Variants in VWA3A observed in about 807,000 individuals in gnomAD.
VWA3A encodes von Willebrand factor A domain-containing protein 3A.
A neutral mutation model predicts 160.4 loss-of-function variants in VWA3A; 134 were observed. That is an observed-to-expected ratio of 0.84 (90% CI 0.73 to 0.96). VWA3A has a LOEUF of 0.96. VWA3A is among the 40% of genes least tolerant of loss of function. The pLI is 0.00. For synonymous variants in VWA3A, 476 were observed against 543.4 expected, an observed-to-expected ratio of 0.88 and a Z score of 1.72; for missense variants, 1,310 against 1,447.9, an observed-to-expected ratio of 0.90 and a Z score of 1.55.
rs1005256399 is a variant in VWA3A, at chr16:22,131,350, C to G, written c.1727+71C>G. The G allele has an allele frequency of 3.9e-5, 60 of 1,549,754 alleles. No individual in the cohort carries two copies. In the African/African-American group the frequency reaches 6.4e-4, roughly 16 times the overall value. Reference sequence around the variant, plus strand: ...TTTGCAGGCATTGTTTTCTCTGTCCCCCTCTCCACCAAGAAGTAGCTCTCT... The same window carrying G: ...TTTGCAGGCATTGTTTTCTCTGTCCGCCTCTCCACCAAGAAGTAGCTCTCT... On this transcript the variant is annotated intron_variant, in intron 18 of 33. Transcript: ENST00000389398.
chr16:22,118,766 G>A, intron 11 of VWA3A, 136 bp from the exon 12 acceptor site: 2 of 1,138,018 alleles, frequency 1.8e-6, no homozygotes, highest in Admixed American at 4.7e-5. Context: ...TGGCACATGG[G>A]TCCCAGTGTA....
intron 2 of VWA3A, 113 bp downstream of exon 2, chr16:22,097,058 CG>C (rs2045337657): frequency 4.5e-6 from 3 of 663,210 alleles, no homozygotes; most frequent in Non-Finnish European, 7.5e-6. Context: ...CTCTGCCCTC[CG>C]GGTTCATGCC....
At chr16:22,147,485 C>G in intron 27 of VWA3A, 1 of 676,114 alleles carries the variant, frequency 1.5e-6, no homozygotes, top group Non-Finnish European at 2.7e-6. Flanking sequence ...TCTGGGGCAT[C>G]AGGAGGAGGG....
intron 3 of VWA3A, among the ~76,000 whole-genome samples, chr16:22,099,675 C>T (rs1001198861): frequency 2.0e-5 from 3 of 152,202 alleles, no homozygotes; most frequent in Non-Finnish European, 2.9e-5. Context: ...AGGCACAGAA[C>T]TTAAGTCAAG....
At chr16:22,131,318 G>A (rs776284696) in intron 18 of VWA3A, 39 bp downstream of exon 18, 1 of 1,607,104 alleles carries the variant, frequency 6.2e-7, no homozygotes, top group South Asian at 1.1e-5. Context: ...CTGTGTCTGA[G>A]GGAAGGTTTG....
chr16:22,104,141 G>A (rs543957972), intron 6 of VWA3A, among the ~76,000 whole-genome samples: 14 of 152,210 alleles, frequency 9.2e-5, no homozygotes, highest in Non-Finnish European at 1.6e-4. Flanking sequence ...CTTTAGACCC[G>A]CAATGAGATT....
chr16:22,133,230 T>C, intron 20 of VWA3A, 135 bp downstream of exon 20: 1 of 1,032,302 alleles, frequency 9.7e-7, no homozygotes, highest in African/African-American at 1.6e-5. Context: ...AAACTGTTCC[T>C]CTGAAGATAG....
At chr16:22,134,524 T>A in intron 21 of VWA3A, 86 bp downstream of exon 21, 2 of 1,168,706 alleles carry the variant, frequency 1.7e-6, no homozygotes, top group Non-Finnish European at 2.4e-6. Flanking sequence ...CTGGGTGGCT[T>A]AAAATAACAA....
intron 30 of VWA3A, 72 bp from the exon 31 acceptor site, chr16:22,152,439 T>C (rs2046365635): frequency 1.9e-6 from 3 of 1,576,132 alleles, no homozygotes; most frequent in East Asian, 4.5e-5. Flanking sequence ...AAGTTCCCCA[T>C]GGACGTGGGG....
In VWA3A at chr16:22,110,986, C is replaced by T. The variant is rs779305363; in HGVS notation, c.681C>T (p.Ser227=). Residue 227 remains serine (S), a synonymous_variant, in exon 8 of 34, where the codon AGC becomes AGT. Transcript: ENST00000389398. The part of the protein sequence containing the change: ...GSLWPDPMEV[S]ASTLQELKLW... ...TCTGGCCAGACCCCATGGAAGTCAG[C>T]GCCTCCACGTGAGTGGCTTTCCTAC... 67 of 1,604,704 alleles carry T rather than the reference C, an allele frequency of 4.2e-5. No homozygotes were observed. Among genetic ancestry groups the T allele is most frequent in the African/African-American group, 6.7e-5 (5 of 74,758 alleles).
intron 31 of VWA3A, among the ~76,000 whole-genome samples, 152 bp downstream of exon 31, chr16:22,152,786 G>T (rs559734489): frequency 8.9e-4 from 136 of 152,060 alleles, no homozygotes; most frequent in African/African-American, 3.1e-3. Flanking sequence ...GAGCCACCAC[G>T]CCCATCCTGG....
At chr16:22,134,280 C>T (rs890707885) in intron 20 of VWA3A, 88 bp from the exon 21 acceptor site, 1 of 1,111,986 alleles carries the variant, frequency 9.0e-7, no homozygotes, top group South Asian at 1.5e-5. Context: ...AAGTCACCTC[C>T]AGGTGGCTTT....
chr16:22,111,721 G>A (rs970736587), intron 8 of VWA3A, among the ~76,000 whole-genome samples: 1 of 150,140 alleles, frequency 6.7e-6, no homozygotes, highest in African/African-American at 2.5e-5. Context: ...GACCTCAAGT[G>A]ATCCACCCAC....
chr16:22,152,091 G>C (rs1328896240), intron 30 of VWA3A, among the ~76,000 whole-genome samples: 1 of 152,150 alleles, frequency 6.6e-6, no homozygotes, highest in Non-Finnish European at 1.5e-5. Context: ...GGTGCCTGTA[G>C]TCCCAGCTAC....
intron 22 of VWA3A, 142 bp downstream of exon 22, chr16:22,138,654 C>T: frequency 1.8e-6 from 2 of 1,128,910 alleles, no homozygotes; most frequent in Non-Finnish European, 2.4e-6. Context: ...GCCTCTTGCC[C>T]AGGCCTCCAG....
Position 22,156,094 on chromosome 16 carries a change from GA to G in VWA3A, c.*80del. ...CTCAGCCCCGAGGGCAGGATGGGAT[GA>G]AATGCTGTGACCTGCAGGAAACATG... On this transcript the variant is annotated 3_prime_UTR_variant, in exon 34 of 34. Coordinates refer to ENST00000389398, the MANE Select transcript of VWA3A (RefSeq NM_173615.5). 1.5e-6 allele frequency: 1 copy of G among 648,758 alleles called. No individual in the cohort carries two copies. The highest frequency in any genetic ancestry group is 3.0e-5 in the Admixed American group (1 of 33,640). 40.2% of individuals were successfully genotyped at this position (648,758 alleles called of 1,614,324 possible).
At chr16:22,112,356 A>G (rs1202443944) in intron 8 of VWA3A, among the ~76,000 whole-genome samples, 1 of 152,218 alleles carries the variant, frequency 6.6e-6, no homozygotes, top group Non-Finnish European at 1.5e-5. Flanking sequence ...TGATGAGGAA[A>G]TGCAGACTCA....
chr16:22,112,020 C>T lies in VWA3A; in HGVS notation c.689+1026C>T, dbSNP rs2045559176. On this transcript the variant is annotated intron_variant, in intron 8 of 33. Coordinates refer to ENST00000389398, the MANE Select transcript of VWA3A (RefSeq NM_173615.5). ...CATAAATAGGACCTACATAACACTG[C>T]TCTGTACCTTGGCTTTCTAGCTGGT... Among the ~76,000 whole-genome samples the T allele has an allele frequency of 2.0e-5, 3 of 152,216 alleles. No individual in the cohort carries two copies. In the South Asian group the frequency reaches 6.2e-4, roughly 32 times the overall value.
intron 11 of VWA3A, 145 bp from the exon 12 acceptor site, chr16:22,118,756 TG>T: frequency 1.9e-6 from 2 of 1,035,110 alleles, no homozygotes; most frequent in Non-Finnish European, 1.4e-6. Flanking sequence ...AGGCTCTGTC[TG>T]GCACATGGGT....
Sources: gnomAD v4.1 joint callset for allele counts (sites outside exome capture counted in the v4.1 genomes callset) on GRCh38, gnomAD v4.1.1 for gene constraint, MANE v1.5 for transcripts, NCBI Gene and HGNC (gene_info 2026-07-23, HGNC 2026-07-21) for gene names.